The following TPTE2 variants were observed in gnomAD, a reference collection of about 807,000 sequenced individuals.
The protein encoded by TPTE2 is transmembrane phosphoinositide 3-phosphatase and tensin homolog 2.
In TPTE2, 53 loss-of-function variants were observed where a neutral mutation model predicts 78.6. The observed-to-expected ratio is 0.67, with a 90% CI of 0.54 to 0.85. The LOEUF (loss-of-function observed/expected upper bound fraction) is 0.85. Ranked by LOEUF, TPTE2 falls within the 40% of genes least tolerant of loss-of-function variation. TPTE2 has a pLI of 0.00. For synonymous variants in TPTE2, 175 were observed against 206.2 expected (o/e 0.85, Z 1.30); for missense variants, 461 against 623.0 (o/e 0.74, Z 2.77).
intron 1 of TPTE2, among the ~76,000 whole-genome samples, chr13:19,531,592 A>G (rs1870870676): frequency 6.6e-6 from 1 of 151,546 alleles, no homozygotes; most frequent in Non-Finnish European, 1.5e-5. Flanking sequence ...GGAGAGCAAT[A>G]ATAGACAAAA....
intron 6 of TPTE2, among the ~76,000 whole-genome samples, chr13:19,467,990 T>C (rs1231487740): frequency 6.7e-6 from 1 of 148,390 alleles, no homozygotes; most frequent in African/African-American, 2.5e-5. Flanking sequence ...TAGTGATCTC[T>C]AGTTCCATCC....
chr13:19,537,555 AGTTTGTTT>A (rs3052827), upstream of TPTE2, among the ~76,000 whole-genome samples: 113,022 of 149,724 alleles, frequency 0.75, 45,649 homozygotes, highest in East Asian at 0.96. Context: ...GATTTTTAGA[AGTTTGTTT>A]GTTTGTTTGT....
chr13:19,527,412 C>T (rs975270111), intron 1 of TPTE2, among the ~76,000 whole-genome samples: 2 of 152,148 alleles, frequency 1.3e-5, no homozygotes, highest in Non-Finnish European at 2.9e-5. Flanking sequence ...AACAACATAT[C>T]ATCTGTACCC....
At chr13:19,491,629 G>C (rs1259750212) in intron 3 of TPTE2, among the ~76,000 whole-genome samples, 1 of 152,038 alleles carries the variant, frequency 6.6e-6, no homozygotes, top group Non-Finnish European at 1.5e-5. Context: ...TTCAAGACCA[G>C]CCTGGCCAAT....
chr13:19,438,766 A>T (rs560697076), intron 13 of TPTE2, among the ~76,000 whole-genome samples: 1 of 152,328 alleles, frequency 6.6e-6, no homozygotes, highest in East Asian at 1.9e-4. Context: ...GTGAGCTTTA[A>T]TTCAAGAAAG....
In TPTE2 at chr13:19,535,605, G is replaced by A. The variant is rs1871168072; in HGVS notation, c.-44+991C>T. Among the ~76,000 whole-genome samples the A allele has an allele frequency of 7.4e-6, 1 of 134,276 alleles. No homozygotes were observed. Among genetic ancestry groups the A allele is most frequent in the Admixed American group, 8.4e-5 (1 of 11,960 alleles). 88.1% of individuals were successfully genotyped at this position (134,276 alleles called of 152,430 possible). On this transcript the variant is annotated intron_variant, in intron 1 of 17. Coordinates refer to the TPTE2 transcript ENST00000390680. This position sits in a 1 kb window ranked among gnomAD's most constrained non-coding sequence, Gnocchi z 5.1. ...AGGTTCTAAGTAATACTATCTCCAG[G>A]ATTTTCTTATTTATTTATTTATTTA...
At chr13:19,515,840 G>A (rs1214244293) in intron 1 of TPTE2, among the ~76,000 whole-genome samples, 5 of 152,156 alleles carry the variant, frequency 3.3e-5, no homozygotes, top group African/African-American at 1.2e-4. Context: ...GAAGAGAACT[G>A]GAAGACATTC....
At position 19,517,600 on chromosome 13, in the gene TPTE2, C is replaced by A. The variant is rs541812601; in HGVS notation, c.-43-14323G>T. Among the ~76,000 whole-genome samples, 11 of 152,250 alleles carry A rather than the reference C, an allele frequency of 7.2e-5. No homozygotes were observed. In the South Asian group the frequency reaches 2.1e-3, roughly 29 times the overall value. ...GATGAGGATGAGAGGACAGCATTAGCCAACAGAGAGGGCAGAGGATGGGAT... is the reference window on the plus strand; with the variant it reads ...GATGAGGATGAGAGGACAGCATTAGACAACAGAGAGGGCAGAGGATGGGAT... On this transcript the variant is annotated intron_variant, in intron 1 of 17. Coordinates refer to the TPTE2 transcript ENST00000390680.
At chr13:19,506,210 C>T (rs868220655), upstream of TPTE2, among the ~76,000 whole-genome samples, 10 of 92,620 alleles carry the variant, frequency 1.1e-4, 1 homozygote, top group East Asian at 1.1e-3. Context: ...CTCGCTCTGT[C>T]GCCCAGGCTG....
rs559757368 is a variant in TPTE2, at chr13:19,470,004, C to T, written c.393-2660G>A. 7.9e-5 allele frequency among the ~76,000 whole-genome samples: 12 copies of T among 152,166 alleles called. No homozygotes were observed. The East Asian group carries it at 2.3e-3, about 29-fold the overall frequency. On this transcript the variant is annotated intron_variant, in intron 6 of 19. Coordinates refer to ENST00000400230, the Ensembl canonical transcript of TPTE2. The stretch of plus-strand genomic sequence containing the variant: ...ACTTCTTCCATCCCAATTTGGATTT[C>T]TTTTTTTATTCCCTTTCTTTCTCTT...
At chr13:19,536,320 T>C (rs1182389683) in intron 1 of TPTE2, among the ~76,000 whole-genome samples, 1 of 152,128 alleles carries the variant, frequency 6.6e-6, no homozygotes, top group African/African-American at 2.4e-5. Context: ...ATAATATGCA[T>C]AACATATACT....
the TPTE2 span, chr13:19,561,260 C>T: frequency 3.8e-4 from 477 of 1,260,580 alleles, no homozygotes; most frequent in Admixed American, 8.5e-4. Context: ...CTGGACATGG[C>T]GCTGGTCACC....
At chr13:19,561,118 G>A in the TPTE2 span, 1 of 1,605,240 alleles carries the variant, frequency 6.2e-7, no homozygotes, top group African/African-American at 1.3e-5. Context: ...TGTGGCCTGG[G>A]AGGCAGTGGG....
intron 3 of TPTE2, among the ~76,000 whole-genome samples, chr13:19,490,673 C>G (rs1880938156): frequency 1.3e-5 from 2 of 152,190 alleles, no homozygotes; most frequent in African/African-American, 4.8e-5. Context: ...TCCTGCCCCT[C>G]AGATAGGGTT....
chr13:19,425,352 T>C (rs1360118342), intron 18 of TPTE2, among the ~76,000 whole-genome samples: 2 of 152,184 alleles, frequency 1.3e-5, no homozygotes, highest in South Asian at 2.1e-4. Context: ...CCCAACTACA[T>C]TGTAGTGAAT....
chr13:19,432,806 G>T (rs1672320091), intron 15 of TPTE2, among the ~76,000 whole-genome samples: 1 of 151,790 alleles, frequency 6.6e-6, no homozygotes, highest in Admixed American at 6.6e-5. Flanking sequence ...CAAGGATGGA[G>T]CCAGGCCCTG....
chr13:19,492,994 A>G, intron 2 of TPTE2, 91 bp from the exon 6 acceptor site: 1 of 1,536,660 alleles, frequency 6.5e-7, no homozygotes, highest in Non-Finnish European at 8.9e-7. Context: ...CTAGACAGAA[A>G]CCAATTAATT....
chr13:19,423,180 A>C lies in TPTE2; in HGVS notation c.1467-16T>G. The C allele has an allele frequency of 6.3e-7, 1 of 1,588,582 alleles. No individual in the cohort carries two copies. The highest frequency in any genetic ancestry group is 8.6e-7 in the Non-Finnish European group (1 of 1,168,006). ...TAGACAAAGCCTAAGAATAGAAAAA[A>C]AAAATTACATTTTATATTGGGGCTC... is the stretch of plus-strand genomic sequence containing the variant. On this transcript the variant is annotated splice_polypyrimidine_tract_variant and intron_variant, in intron 19 of 19. Coordinates refer to ENST00000400230, the Ensembl canonical transcript of TPTE2.
chr13:19,454,275 G>A (rs2074756331), intron 10 of TPTE2, among the ~76,000 whole-genome samples: 1 of 152,180 alleles, frequency 6.6e-6, no homozygotes, highest in Admixed American at 6.5e-5. Flanking sequence ...TAAGAATAAA[G>A]GGGAATCACA....
Sources: gnomAD v4.1 joint callset for allele counts (sites outside exome capture counted in the v4.1 genomes callset) on GRCh38, gnomAD v4.1.1 for gene constraint, Gnocchi (gnomAD v3.1) non-coding constraint, MANE v1.5 for transcripts, NCBI Gene and HGNC (gene_info 2026-07-23, HGNC 2026-07-21) for gene names.